SYN3: variants seen among roughly 807,000 people sequenced by gnomAD.
SYN3 encodes synapsin III.
In SYN3, 35 loss-of-function variants were observed where a neutral mutation model predicts 65.8. That is an observed-to-expected ratio of 0.53 (90% CI 0.41 to 0.70). SYN3 has a LOEUF of 0.70. SYN3 is among the 30% of genes least tolerant of loss of function. The pLI, the probability that SYN3 is intolerant of heterozygous loss-of-function variation, is 0.00. For missense variants in SYN3, 680 were observed against 749.0 expected, an observed-to-expected ratio of 0.91 and a Z score of 1.08; for synonymous variants, 270 against 292.9, an observed-to-expected ratio of 0.92 and a Z score of 0.80.
intron 3 of SYN3, among the ~76,000 whole-genome samples, chr22:32,971,443 A>G (rs1569367213): frequency 6.6e-6 from 1 of 152,238 alleles, no homozygotes; most frequent in Non-Finnish European, 1.5e-5. Context: ...TGTTAACAAA[A>G]CAAGGCTTAG....
intron 6 of SYN3, among the ~76,000 whole-genome samples, chr22:32,634,342 T>C (rs552853191): frequency 2.4e-4 from 36 of 152,256 alleles, no homozygotes; most frequent in South Asian, 1.2e-3. Flanking sequence ...TCTGACTCAA[T>C]AGAAGCATGA....
Position 32,858,061 on chromosome 22 carries a change from G to A in SYN3, c.711+6854C>T, listed in dbSNP as rs145285380. On this transcript the variant is annotated intron_variant, in intron 6 of 13. Transcript: ENST00000358763. ...GATGTACACGGGGCTGTGCAACTTCGTGGAGAGGTGGGACCAGCTCACCCT... is the reference window on the plus strand; with the variant it reads ...GATGTACACGGGGCTGTGCAACTTCATGGAGAGGTGGGACCAGCTCACCCT... The A allele has an allele frequency of 1.8e-4, 294 of 1,614,172 alleles. 1 individual carries two copies. In the African/African-American group the frequency reaches 3.5e-3, roughly 19 times the overall value.
At chr22:32,760,241 A>G (rs963661586) in intron 6 of SYN3, among the ~76,000 whole-genome samples, 1 of 90,276 alleles carries the variant, frequency 1.1e-5, no homozygotes, top group Non-Finnish European at 2.0e-5. Flanking sequence ...GCCAGCACCC[A>G]TGCAGGCCTG....
chr22:32,521,545 TAA>T (rs1051511548), intron 12 of SYN3, among the ~76,000 whole-genome samples: 1 of 150,272 alleles, frequency 6.7e-6, no homozygotes, highest in African/African-American at 2.5e-5. Context: ...TCTCCTGGGT[TAA>T]GAGATTCTCC....
At chr22:33,034,783 C>T (rs561798655) in intron 1 of SYN3, among the ~76,000 whole-genome samples, 2 of 152,314 alleles carry the variant, frequency 1.3e-5, no homozygotes, top group South Asian at 4.1e-4. Flanking sequence ...TGCAGAACAT[C>T]ATGCACCAGG....
chr22:32,797,115 G>A (rs1010944402), intron 6 of SYN3, among the ~76,000 whole-genome samples: 1 of 152,160 alleles, frequency 6.6e-6, no homozygotes, highest in Admixed American at 6.5e-5. Context: ...GCAGTGAGAC[G>A]ACCGACCAGG....
intron 3 of SYN3, among the ~76,000 whole-genome samples, chr22:32,941,084 A>G (rs1019785621): frequency 2.6e-5 from 4 of 152,292 alleles, no homozygotes; most frequent in Middle Eastern, 3.4e-3. Context: ...AGACCTCCTC[A>G]ACGAAACCCT....
chr22:32,526,582 C>A (rs2057980784), intron 12 of SYN3, among the ~76,000 whole-genome samples: 1 of 152,122 alleles, frequency 6.6e-6, no homozygotes. Context: ...GTGGCGCAAT[C>A]TCGGCTCACT....
chr22:33,030,903 A>G (rs2053742998), intron 1 of SYN3, among the ~76,000 whole-genome samples: 1 of 152,194 alleles, frequency 6.6e-6, no homozygotes, highest in Non-Finnish European at 1.5e-5. Flanking sequence ...AGAGACAGAG[A>G]GTGATAGAGA....
chr22:33,036,519 C>T (rs2053862053), intron 1 of SYN3, among the ~76,000 whole-genome samples: 1 of 152,108 alleles, frequency 6.6e-6, no homozygotes, highest in Non-Finnish European at 1.5e-5. Flanking sequence ...CTCATCAGCC[C>T]AAGGCACCAG....
intron 6 of SYN3, among the ~76,000 whole-genome samples, chr22:32,606,122 C>T (rs138249258): frequency 0.01 from 1,543 of 152,298 alleles, 26 homozygotes; most frequent in African/African-American, 0.035. Context: ...CTCTCATCTC[C>T]TCCACATCTA....
At chr22:32,575,553 CA>C (rs1459071898) in intron 7 of SYN3, among the ~76,000 whole-genome samples, 1 of 152,206 alleles carries the variant, frequency 6.6e-6, no homozygotes, top group Non-Finnish European at 1.5e-5. Context: ...GCTGAGGCCA[CA>C]TTTGAGGATC....
intron 7 of SYN3, among the ~76,000 whole-genome samples, chr22:32,585,881 T>C (rs1186559465): frequency 1.3e-5 from 2 of 150,088 alleles, no homozygotes; most frequent in South Asian, 2.1e-4. Flanking sequence ...TATAGACATA[T>C]ATACGTATAT....
chr22:32,989,555 C>A (rs1464807002), intron 2 of SYN3, among the ~76,000 whole-genome samples: 1 of 152,122 alleles, frequency 6.6e-6, no homozygotes, highest in Non-Finnish European at 1.5e-5. Context: ...GTCATCAGGG[C>A]CGGGCACGGT....
At chr22:32,752,405 G>A (rs78194905) in intron 6 of SYN3, among the ~76,000 whole-genome samples, 10,034 of 152,158 alleles carry the variant, frequency 0.066, 439 homozygotes, top group South Asian at 0.14. Flanking sequence ...CCTCCTCCAC[G>A]GAGCCACCTC....
intron 1 of SYN3, among the ~76,000 whole-genome samples, chr22:33,013,898 T>C (rs916292312): frequency 6.6e-6 from 1 of 152,022 alleles, no homozygotes; most frequent in Non-Finnish European, 1.5e-5. Flanking sequence ...AATAGCAGAA[T>C]TTTCCCCTCC....
At chr22:32,790,027 G>A (rs1256112641) in intron 6 of SYN3, among the ~76,000 whole-genome samples, 1 of 152,202 alleles carries the variant, frequency 6.6e-6, no homozygotes, top group Non-Finnish European at 1.5e-5. Context: ...CGCTATTGTT[G>A]TCCCTGTATC....
At chr22:32,858,960 C>G (rs2048456780) in intron 6 of SYN3, among the ~76,000 whole-genome samples, 1 of 152,172 alleles carries the variant, frequency 6.6e-6, no homozygotes, top group South Asian at 2.1e-4. Flanking sequence ...CCTCCTAAAA[C>G]TGTGATAAGA....
At chr22:32,520,831 A>G (rs947388682) in intron 12 of SYN3, among the ~76,000 whole-genome samples, 5 of 152,200 alleles carry the variant, frequency 3.3e-5, no homozygotes, top group Admixed American at 1.3e-4. Flanking sequence ...GTCCTGACTC[A>G]AGCCTTGCCA....
Sources: allele counts gnomAD v4.1 joint callset (sites outside exome capture counted in the v4.1 genomes callset), GRCh38; gene constraint gnomAD v4.1.1; transcripts MANE v1.5; gene names NCBI Gene and HGNC (gene_info 2026-07-23, HGNC 2026-07-21).